USH2A: variants seen among roughly 807,000 people sequenced by gnomAD.
The protein encoded by USH2A is usherin, also known as Usher syndrome 2A (autosomal recessive, mild).
USH2A carries 443 observed loss-of-function variants against 538.9 expected under a neutral mutation model. The ratio of observed to expected loss-of-function variants is 0.82; its 90% CI spans 0.76 to 0.89. The LOEUF (loss-of-function observed/expected upper bound fraction) is 0.89, where lower values mean the gene tolerates loss of function less well. USH2A is among the 40% of genes least tolerant of loss of function. USH2A has a pLI of 0.00. For missense variants in USH2A, 6,633 were observed against 6,324.8 expected, an observed-to-expected ratio of 1.05 and a Z score of -1.65; for synonymous variants, 2,413 against 2,273.5, an observed-to-expected ratio of 1.06 and a Z score of -1.75.
At chr1:216,079,024 A>C (rs531687763) in intron 26 of USH2A, 1 of 152,176 alleles carries the variant, frequency 6.6e-6, no homozygotes, top group Non-Finnish European at 1.5e-5. Flanking sequence ...GTTTTCCTTC[A>C]AAATGTCTCA....
intron 15 of USH2A, among the ~76,000 whole-genome samples, chr1:216,215,743 G>T (rs2035330741): frequency 6.6e-6 from 1 of 152,042 alleles, no homozygotes; most frequent in Non-Finnish European, 1.5e-5. Context: ...ATTTTAAAGA[G>T]ATAAAAAACC....
At chr1:215,832,504 C>T (rs112141149) in intron 47 of USH2A, among the ~76,000 whole-genome samples, 1 of 151,862 alleles carries the variant, frequency 6.6e-6, no homozygotes, top group African/African-American at 2.4e-5. Context: ...TATAATCGAT[C>T]ATAGTACAAA....
At chr1:216,400,430 C>CAA (rs1343352556) in intron 3 of USH2A, among the ~76,000 whole-genome samples, 2 of 150,886 alleles carry the variant, frequency 1.3e-5, no homozygotes, top group East Asian at 3.9e-4. Flanking sequence ...AAGAGAGCTT[C>CAA]AAGAACCAGT....
intron 19 of USH2A, among the ~76,000 whole-genome samples, chr1:216,191,797 C>T (rs923973687): frequency 6.6e-6 from 1 of 151,818 alleles, no homozygotes; most frequent in African/African-American, 2.4e-5. Context: ...GTACATGAAG[C>T]TATTTCTTAT....
At chr1:215,814,555 A>G (rs1053406407) in intron 48 of USH2A, among the ~76,000 whole-genome samples, 1 of 152,086 alleles carries the variant, frequency 6.6e-6, no homozygotes, top group South Asian at 2.1e-4. Context: ...GTAGGTCTAA[A>G]GGCGAGTGAG....
At chr1:215,933,286 A>G (rs1216309097) in intron 38 of USH2A, among the ~76,000 whole-genome samples, 2 of 151,936 alleles carry the variant, frequency 1.3e-5, no homozygotes, top group Non-Finnish European at 2.9e-5. Context: ...AAAAATGAAG[A>G]TATGAATACC....
rs1325511693 is a variant in USH2A, at chr1:216,261,232, G to C, written c.1972-10134C>G. Among the ~76,000 whole-genome samples, 3 of 151,678 alleles carry C rather than the reference G, an allele frequency of 2.0e-5. No individual in the cohort carries two copies. The East Asian group carries it at 5.8e-4, about 29-fold the overall frequency. ...TAATAAAATATCTCTGTTATCCCCA[G>C]AAGATAAAAGTTGCATTCATTAAAA... is the stretch of plus-strand genomic sequence containing the variant. On this transcript the variant is annotated intron_variant, in intron 11 of 71. Coordinates refer to ENST00000307340, the MANE Select transcript of USH2A (RefSeq NM_206933.4).
intron 14 of USH2A, among the ~76,000 whole-genome samples, chr1:216,225,247 G>T (rs918477434): frequency 2.6e-5 from 4 of 152,064 alleles, no homozygotes; most frequent in Middle Eastern, 3.2e-3. Context: ...TTCAAGAACG[G>T]TATCATTCAA....
intron 3 of USH2A, among the ~76,000 whole-genome samples, chr1:216,399,788 C>G (rs951148187): frequency 1.3e-5 from 2 of 152,116 alleles, no homozygotes; most frequent in African/African-American, 2.4e-5. Context: ...AAGGGGTCAA[C>G]AGGGAAGCTG....
At chr1:215,818,688 C>T (rs1364349341) in intron 47 of USH2A, among the ~76,000 whole-genome samples, 1 of 151,752 alleles carries the variant, frequency 6.6e-6, no homozygotes, top group African/African-American at 2.4e-5. Context: ...GAGGTCATAA[C>T]ATAAAGCTGT....
At position 216,110,364 on chromosome 1, in the gene USH2A, CA is replaced by C. The variant is rs2032837953; in HGVS notation, c.4628-13152del. The stretch of plus-strand genomic sequence containing the variant: ...ACAAAAGAAAACAAAAAACTAACAA[CA>C]AATACTAGTTAACTTTTAGCAGTAA... On this transcript the variant is annotated intron_variant, in intron 21 of 71. Transcript: ENST00000307340. Among the ~76,000 whole-genome samples the C allele has an allele frequency of 2.0e-5, 3 of 151,844 alleles. No homozygotes were observed. In the South Asian group the frequency reaches 6.2e-4, roughly 32 times the overall value.
chr1:216,227,997 C>T (rs140211081), intron 14 of USH2A, among the ~76,000 whole-genome samples: 1 of 152,166 alleles, frequency 6.6e-6, no homozygotes, highest in East Asian at 1.9e-4. Flanking sequence ...AAGGTTTTGC[C>T]TCAGGCTAGA....
rs537986331 is a variant in USH2A at position 216,290,081 on chromosome 1, T to C, written c.1841-671A>G. Among the ~76,000 whole-genome samples the C allele has an allele frequency of 2.6e-5, 4 of 152,276 alleles. No homozygotes were observed. The East Asian group carries it at 5.8e-4, about 22-fold the overall frequency. On this transcript the variant is annotated intron_variant, in intron 10 of 71. Coordinates refer to ENST00000307340, the MANE Select transcript of USH2A (RefSeq NM_206933.4). ...ATTACAAATTTCCTTTGCTATATTA[T>C]GTAATAAAAAACCTAAACTACAAGG...
intron 64 of USH2A, among the ~76,000 whole-genome samples, chr1:215,655,725 C>CT (rs766225635): frequency 0.25 from 23,768 of 96,144 alleles, 4,305 homozygotes; most frequent in South Asian, 0.51. Flanking sequence ...GCTAGTTATT[C>CT]TTTTTTTTTT....
At chr1:215,756,152 G>A (rs1010410031) in intron 58 of USH2A, among the ~76,000 whole-genome samples, 2 of 151,988 alleles carry the variant, frequency 1.3e-5, no homozygotes, top group Admixed American at 1.3e-4. Context: ...GATCTTTACA[G>A]CAACCCTACC....
chr1:215,994,326 A>G (rs1668084183), intron 34 of USH2A, among the ~76,000 whole-genome samples: 1 of 152,118 alleles, frequency 6.6e-6, no homozygotes, highest in Non-Finnish European at 1.5e-5. Flanking sequence ...TGATTTTGTG[A>G]TTCTTAAAGT....
Position 215,766,729 on chromosome 1 carries a change from T to G in USH2A, c.10999A>C (p.Thr3667Pro), listed in dbSNP as rs150822759. 9.0e-5 allele frequency: 146 copies of G among 1,613,660 alleles called. No homozygotes were observed. Among genetic ancestry groups the G allele is most frequent in the Admixed American group, 4.0e-4 (24 of 59,996 alleles). Residue 3667 changes from threonine to proline, a missense_variant, in exon 56 of 72, where the codon ACT (threonine) becomes CCT (proline). Coordinates refer to ENST00000307340, the MANE Select transcript of USH2A (RefSeq NM_206933.4). Reference sequence around the variant, plus strand: ...TGACCTAGAAAAGGCTCGCTTGAAGTGCACCCAGCAGATGTACAAGCTGTA... The same window carrying G: ...TGACCTAGAAAAGGCTCGCTTGAAGGGCACCCAGCAGATGTACAAGCTGTA... ...TLTACTSAGCTSSEPFLGQTL... is the reference protein window; with the variant it reads ...TLTACTSAGCPSSEPFLGQTL...
At chr1:215,991,185 G>A (rs1433914736) in intron 35 of USH2A, among the ~76,000 whole-genome samples, 2 of 152,102 alleles carry the variant, frequency 1.3e-5, no homozygotes, top group Admixed American at 6.6e-5. Context: ...CTCCACCCAT[G>A]TTTTCCAACC....
At chr1:216,239,265 T>A (rs1473295560) in intron 13 of USH2A, among the ~76,000 whole-genome samples, 1 of 152,196 alleles carries the variant, frequency 6.6e-6, no homozygotes, top group African/African-American at 2.4e-5. Flanking sequence ...GATACTTAGG[T>A]CACTGTTATT....
Sources: allele counts gnomAD v4.1 joint callset (sites outside exome capture counted in the v4.1 genomes callset), GRCh38; gene constraint gnomAD v4.1.1; transcripts MANE v1.5; gene names NCBI Gene and HGNC (gene_info 2026-07-23, HGNC 2026-07-21).